Variants in ZBTB16 observed in about 807,000 individuals in gnomAD.
ZBTB16 encodes zinc finger and BTB domain-containing protein 16.
A neutral mutation model predicts 56.8 loss-of-function variants in ZBTB16; 8 were observed. That is an observed-to-expected ratio of 0.14 (90% CI 0.08 to 0.25). The LOEUF is 0.25. Ranked by LOEUF, ZBTB16 falls within the 10% of genes least tolerant of loss-of-function variation. ZBTB16 has a pLI of 1.00. For missense variants in ZBTB16, 625 were observed against 903.0 expected (o/e 0.69, Z 3.95); for synonymous variants, 363 against 368.5 (o/e 0.98, Z 0.17).
In ZBTB16 at chr11:114,060,955, CG is replaced by C. The variant is rs1366523512; in HGVS notation, c.-91+1076del. Among the ~76,000 whole-genome samples the C allele has an allele frequency of 6.6e-6, 1 of 152,132 alleles. No individual in the cohort carries two copies. Among genetic ancestry groups the C allele is most frequent in the African/African-American group, 2.4e-5 (1 of 41,442 alleles). On this transcript the variant is annotated intron_variant, in intron 1 of 6. Transcript: ENST00000335953. This position sits in a 1 kb window ranked among gnomAD's most constrained non-coding sequence, Gnocchi z 6.0. ...TTTGTGCTTCCCCTTCGCCGCGGGGCGGGTCCGCCTCCCCTGCCGCTCTCGC... is the reference window on the plus strand; with the variant it reads ...TTTGTGCTTCCCCTTCGCCGCGGGGCGGTCCGCCTCCCCTGCCGCTCTCGC...
At chr11:114,242,063 G>T (rs989712238) in intron 4 of ZBTB16, 104 bp from the exon 5 acceptor site, 5 of 1,467,414 alleles carry the variant, frequency 3.4e-6, no homozygotes, top group Non-Finnish European at 4.7e-6. Flanking sequence ...TGAGCATGGG[G>T]ATTTGGAGGT....
rs1052182698 is a variant in ZBTB16, at chr11:114,256,065, A to T, written c.*5510A>T. 2.8e-4 allele frequency among the ~76,000 whole-genome samples: 42 copies of T among 149,618 alleles called. No individual in the cohort carries two copies. Among genetic ancestry groups the T allele is most frequent in the African/African-American group, 9.3e-4 (38 of 40,708 alleles). On this transcript the variant is annotated 3_prime_UTR_variant, in exon 7 of 7. Transcript: ENST00000335953. ...TTTTGCCTTTTCTTGTGTGGGGAAC[A>T]TGGTAGAGGAATTAAGATTTTTGTG...
intron 2 of ZBTB16, among the ~76,000 whole-genome samples, chr11:114,151,812 A>G (rs932387383): frequency 1.3e-5 from 2 of 152,152 alleles, no homozygotes; most frequent in Middle Eastern, 3.2e-3. Flanking sequence ...GGCCGAGCTT[A>G]CCCTGCAGAG....
intron 2 of ZBTB16, among the ~76,000 whole-genome samples, chr11:114,112,750 A>G (rs1355817027): frequency 7.2e-6 from 1 of 138,694 alleles, no homozygotes; most frequent in Non-Finnish European, 1.5e-5. Context: ...ATTTTCACAC[A>G]GTTCATTTTC....
chr11:114,224,999 A>G lies in ZBTB16; in HGVS notation c.1454-17168A>G, dbSNP rs150329126. On this transcript the variant is annotated intron_variant, in intron 4 of 6. Transcript: ENST00000335953. ...ATTGGGAGGTAGAGGCAACGTGGGT[A>G]GGCAGCTCTAGGAGTGGAGGAGGTG... 3.5e-3 allele frequency among the ~76,000 whole-genome samples: 526 copies of G among 152,244 alleles called. 4 individuals are homozygous for G. The highest frequency in any genetic ancestry group is 0.027 in the Middle Eastern group (8 of 294).
At chr11:114,178,088 G>T (rs960941328) in intron 3 of ZBTB16, among the ~76,000 whole-genome samples, 4 of 152,128 alleles carry the variant, frequency 2.6e-5, no homozygotes, top group Non-Finnish European at 4.4e-5. Flanking sequence ...TCATTTCCTT[G>T]ATCTCCTCCT....
chr11:114,189,708 G>C (rs948859124), intron 4 of ZBTB16: 1 of 151,386 alleles, frequency 6.6e-6, no homozygotes, highest in African/African-American at 2.4e-5. Flanking sequence ...GGAAGTTGCA[G>C]TGAGCTGAGA....
At chr11:114,169,491 G>A (rs576613863) in intron 3 of ZBTB16, among the ~76,000 whole-genome samples, 4 of 152,124 alleles carry the variant, frequency 2.6e-5, no homozygotes, top group South Asian at 2.1e-4. Flanking sequence ...GAGAAACCTC[G>A]ATGACTACTC....
intron 4 of ZBTB16, chr11:114,237,087 C>G (rs1324777098): frequency 1.3e-5 from 2 of 152,318 alleles, no homozygotes; most frequent in East Asian, 3.8e-4. Context: ...GGGTGCCCAG[C>G]TGAGGAGGGA....
At chr11:114,140,962 G>A (rs1480669168) in intron 2 of ZBTB16, among the ~76,000 whole-genome samples, 4 of 152,142 alleles carry the variant, frequency 2.6e-5, no homozygotes, top group Non-Finnish European at 1.5e-5. Context: ...CAGCTCCATT[G>A]TTTCAAGAAG....
intron 2 of ZBTB16, among the ~76,000 whole-genome samples, chr11:114,134,342 G>T (rs969564344): frequency 2.7e-5 from 4 of 150,884 alleles, no homozygotes. Context: ...CTTCGTACTG[G>T]GCCTTTTCTT....
At chr11:114,165,800 G>A (rs180817652) in intron 3 of ZBTB16, among the ~76,000 whole-genome samples, 3 of 152,330 alleles carry the variant, frequency 2.0e-5, no homozygotes. Context: ...GGGTGGCTCA[G>A]GGCTGAGGAT....
chr11:114,123,008 G>C (rs1361400596), intron 2 of ZBTB16, among the ~76,000 whole-genome samples: 2 of 152,150 alleles, frequency 1.3e-5, no homozygotes, highest in Non-Finnish European at 2.9e-5. Context: ...TGTCTGGGGA[G>C]GGCTCTTTTT....
intron 4 of ZBTB16, among the ~76,000 whole-genome samples, chr11:114,191,576 C>T (rs984443184): frequency 2.0e-5 from 3 of 152,176 alleles, no homozygotes; most frequent in Admixed American, 2.0e-4. Context: ...CGTGCTCTTT[C>T]CACGACTCCC....
chr11:114,120,343 A>G (rs1426952739), intron 2 of ZBTB16, among the ~76,000 whole-genome samples: 3 of 152,092 alleles, frequency 2.0e-5, no homozygotes, highest in Non-Finnish European at 2.9e-5. Context: ...CCTGGAAGCA[A>G]GTGAGGTTAA....
At chr11:114,119,929 G>A (rs1487360574) in intron 2 of ZBTB16, among the ~76,000 whole-genome samples, 1 of 152,172 alleles carries the variant, frequency 6.6e-6, no homozygotes, top group Non-Finnish European at 1.5e-5. Context: ...CATTCAGTGA[G>A]GAAAGCTCTC....
rs78603121 is a variant in ZBTB16 at position 114,128,693 on chromosome 11, C to G, written c.1269-27644C>G. 4.4e-3 allele frequency among the ~76,000 whole-genome samples: 670 copies of G among 152,228 alleles called. 12 individuals are homozygous for G. The highest frequency in any genetic ancestry group is 0.015 in the African/African-American group (623 of 41,518). ...ACTTGTAATCTTGTAAAGTGAAGTT[C>G]AGGTCCTCAGAGACAAGTGGTGTCT... On this transcript the variant is annotated intron_variant, in intron 2 of 6. Coordinates refer to ENST00000335953, the MANE Select transcript of ZBTB16 (RefSeq NM_006006.6).
intron 2 of ZBTB16, among the ~76,000 whole-genome samples, chr11:114,134,620 A>G (rs772425436): frequency 2.6e-4 from 39 of 152,232 alleles, no homozygotes; most frequent in Non-Finnish European, 4.7e-4. Context: ...TAATTAGCAC[A>G]GTTAAAATTT....
At chr11:114,171,719 AT>A (rs879839225) in intron 3 of ZBTB16, among the ~76,000 whole-genome samples, 2 of 151,474 alleles carry the variant, frequency 1.3e-5, no homozygotes, top group Admixed American at 6.6e-5. Flanking sequence ...TCACAGAGCT[AT>A]TTTTTTTTCC....
Sources: allele counts gnomAD v4.1 joint callset (sites outside exome capture counted in the v4.1 genomes callset), GRCh38; gene constraint gnomAD v4.1.1; non-coding constraint Gnocchi (gnomAD v3.1); transcripts MANE v1.5; gene names NCBI Gene and HGNC (gene_info 2026-07-23, HGNC 2026-07-21).